Variants in DNAJC1 observed in about 807,000 individuals in gnomAD.
The protein encoded by DNAJC1 is DnaJ heat shock protein family (Hsp40) member C1.
In DNAJC1, 58 loss-of-function variants were observed where a neutral mutation model predicts 76.6. The observed-to-expected ratio is 0.76, with a 90% CI of 0.61 to 0.94. DNAJC1 has a LOEUF of 0.94. DNAJC1 is among the 40% of genes least tolerant of loss of function. The pLI is 0.00. For missense variants in DNAJC1, 689 were observed against 677.3 expected (o/e 1.02, Z -0.19); for synonymous variants, 258 against 267.9 (o/e 0.96, Z 0.36).
chr10:21,809,251 T>A (rs915510025), intron 8 of DNAJC1, among the ~76,000 whole-genome samples: 8 of 151,938 alleles, frequency 5.3e-5, no homozygotes, highest in African/African-American at 1.9e-4. Flanking sequence ...ATGGCCAAAT[T>A]AAAAAAAATT....
intron 1 of DNAJC1, among the ~76,000 whole-genome samples, chr10:21,958,349 T>A (rs899838811): frequency 1.3e-5 from 2 of 152,328 alleles, no homozygotes; most frequent in East Asian, 1.9e-4. Flanking sequence ...ATTTATATAG[T>A]TCTGCAACAT....
At chr10:21,964,337 C>T (rs946425704) in intron 1 of DNAJC1, among the ~76,000 whole-genome samples, 7 of 152,056 alleles carry the variant, frequency 4.6e-5, no homozygotes, top group Non-Finnish European at 1.5e-5. Flanking sequence ...ACCTTAGCCT[C>T]CCCAGTAGCT....
chr10:21,758,462 C>A (rs913259960), intron 11 of DNAJC1, among the ~76,000 whole-genome samples: 1 of 152,222 alleles, frequency 6.6e-6, no homozygotes, highest in Non-Finnish European at 1.5e-5. Flanking sequence ...AGGGCACTCC[C>A]GCCCCCTCCT....
chr10:21,793,404 C>G (rs1238831798), intron 9 of DNAJC1, among the ~76,000 whole-genome samples: 1 of 152,186 alleles, frequency 6.6e-6, no homozygotes. Context: ...TGATCAGGAA[C>G]AAGGCAAGTA....
chr10:21,992,286 G>A (rs946046450), intron 1 of DNAJC1, among the ~76,000 whole-genome samples: 6 of 152,196 alleles, frequency 3.9e-5, no homozygotes, highest in Non-Finnish European at 8.8e-5. Flanking sequence ...ACACCAGCCT[G>A]GGCGACAGAA....
intron 8 of DNAJC1, among the ~76,000 whole-genome samples, chr10:21,843,201 C>A (rs765060612): frequency 3.9e-4 from 59 of 152,080 alleles, no homozygotes; most frequent in Non-Finnish European, 7.6e-4. Flanking sequence ...AAGCTTAATT[C>A]TATTTTTCGT....
At chr10:21,906,295 T>C (rs1836744531) in intron 6 of DNAJC1, among the ~76,000 whole-genome samples, 1 of 152,086 alleles carries the variant, frequency 6.6e-6, no homozygotes, top group Non-Finnish European at 1.5e-5. Flanking sequence ...CCCATGCCCA[T>C]ATATAGTTTA....
chr10:21,957,194 T>C (rs147984033), intron 1 of DNAJC1, among the ~76,000 whole-genome samples: 2,008 of 152,164 alleles, frequency 0.013, 16 homozygotes, highest in Admixed American at 0.018. Context: ...CTGACCAGAA[T>C]TCTTTGTAAT....
intron 7 of DNAJC1, among the ~76,000 whole-genome samples, chr10:21,896,207 T>C (rs1426683812): frequency 6.6e-6 from 1 of 152,132 alleles, no homozygotes; most frequent in Non-Finnish European, 1.5e-5. Context: ...GCCACCAGCA[T>C]GCAACTTCAG....
intron 8 of DNAJC1, among the ~76,000 whole-genome samples, chr10:21,851,285 C>A (rs1049409417): frequency 1.4e-4 from 22 of 152,178 alleles, no homozygotes; most frequent in Admixed American, 9.8e-4. Flanking sequence ...ACAAACTCAA[C>A]AACAAAAAGA....
intron 6 of DNAJC1, among the ~76,000 whole-genome samples, chr10:21,906,239 A>T (rs1836743878): frequency 6.6e-6 from 1 of 152,142 alleles, no homozygotes; most frequent in Non-Finnish European, 1.5e-5. Context: ...AAACAATGGT[A>T]CTACTAGAAG....
At chr10:21,872,273 T>A (rs1015303983) in intron 8 of DNAJC1, among the ~76,000 whole-genome samples, 1 of 152,066 alleles carries the variant, frequency 6.6e-6, no homozygotes, top group African/African-American at 2.4e-5. Context: ...CAGGGTTATG[T>A]TGGCCAGGCT....
At chr10:21,780,987 CAA>C (rs1469482466) in intron 9 of DNAJC1, among the ~76,000 whole-genome samples, 1 of 152,118 alleles carries the variant, frequency 6.6e-6, no homozygotes. Flanking sequence ...CAACAAAGAT[CAA>C]AAGAGACAAG....
At chr10:21,886,729 A>T (rs1836370882) in intron 7 of DNAJC1, among the ~76,000 whole-genome samples, 1 of 152,186 alleles carries the variant, frequency 6.6e-6, no homozygotes, top group South Asian at 2.1e-4. Context: ...AAACTGCATG[A>T]TTACCTGAAT....
chr10:21,862,873 C>T (rs1214277260), intron 8 of DNAJC1, among the ~76,000 whole-genome samples: 4 of 152,100 alleles, frequency 2.6e-5, no homozygotes, highest in Non-Finnish European at 5.9e-5. Flanking sequence ...TGGCTCACGC[C>T]TGTAATCCCG....
At chr10:21,997,041 T>C (rs1421630098) in intron 1 of DNAJC1, among the ~76,000 whole-genome samples, 5 of 152,140 alleles carry the variant, frequency 3.3e-5, no homozygotes, top group African/African-American at 7.2e-5. Context: ...GAAGCTATTA[T>C]TACACAACAC....
At chr10:21,891,408 C>A (rs1836459857) in intron 7 of DNAJC1, among the ~76,000 whole-genome samples, 1 of 126,470 alleles carries the variant, frequency 7.9e-6, no homozygotes, top group Non-Finnish European at 1.6e-5. Flanking sequence ...ATGAAGCAAA[C>A]AGGGAAAAGA....
At chr10:21,790,086 C>CT (rs1834664564) in intron 9 of DNAJC1, among the ~76,000 whole-genome samples, 1 of 140,184 alleles carries the variant, frequency 7.1e-6, no homozygotes, top group Non-Finnish European at 1.5e-5. Flanking sequence ...AAAAAAATCT[C>CT]TGAGTTTGAA....
chr10:21,987,982 T>G (rs1472226889), intron 1 of DNAJC1, among the ~76,000 whole-genome samples: 1 of 152,178 alleles, frequency 6.6e-6, no homozygotes, highest in Non-Finnish European at 1.5e-5. Flanking sequence ...TTGTATGTAT[T>G]TTCCATGTTG....
Sources: gnomAD v4.1 joint callset for allele counts (sites outside exome capture counted in the v4.1 genomes callset) on GRCh38, gnomAD v4.1.1 for gene constraint, MANE v1.5 for transcripts, NCBI Gene and HGNC (gene_info 2026-07-23, HGNC 2026-07-21) for gene names.